LHFPL3: variants seen among roughly 807,000 people sequenced by gnomAD.
LHFPL3 encodes LHFPL tetraspan subfamily member 3 protein.
A neutral mutation model predicts 19.3 loss-of-function variants in LHFPL3; 5 were observed. The observed-to-expected ratio is 0.26, with a 90% CI of 0.14 to 0.54. LHFPL3 has a LOEUF of 0.54. LHFPL3 is among the 20% of genes least tolerant of loss of function. The probability of loss-of-function intolerance (pLI) is 0.94; values close to 1 mark genes in which losing one functional copy is unlikely to be tolerated. For missense variants in LHFPL3, 249 were observed against 307.4 expected (o/e 0.81, Z 1.42); for synonymous variants, 133 against 126.2 (o/e 1.05, Z -0.36).
chr7:104,708,145 G>A (rs1204573266), intron 1 of LHFPL3, among the ~76,000 whole-genome samples: 1 of 152,196 alleles, frequency 6.6e-6, no homozygotes, highest in Non-Finnish European at 1.5e-5. Flanking sequence ...AAAGGCCCAA[G>A]AGAGCAAGGT....
intron 1 of LHFPL3, among the ~76,000 whole-genome samples, chr7:104,404,678 A>T (rs1467785684): frequency 6.6e-6 from 1 of 152,194 alleles, no homozygotes; most frequent in Non-Finnish European, 1.5e-5. Flanking sequence ...TGTATTAGGA[A>T]GGAGCCCTTT....
chr7:104,504,963 C>T (rs1793668372), intron 1 of LHFPL3, among the ~76,000 whole-genome samples: 2 of 152,136 alleles, frequency 1.3e-5, no homozygotes, highest in Non-Finnish European at 2.9e-5. Flanking sequence ...ATGGCAAACT[C>T]ACACTGCTTG....
At chr7:104,653,619 G>A (rs572618613) in intron 1 of LHFPL3, among the ~76,000 whole-genome samples, 22 of 152,326 alleles carry the variant, frequency 1.4e-4, no homozygotes, top group African/African-American at 5.3e-4. Context: ...CAGGCTACAG[G>A]TGGATTGAGC....
intron 1 of LHFPL3, among the ~76,000 whole-genome samples, chr7:104,607,234 G>GA (rs1232581533): frequency 2.0e-5 from 3 of 152,190 alleles, no homozygotes; most frequent in Non-Finnish European, 2.9e-5. Flanking sequence ...ATTAGCTTCG[G>GA]CCTATGCCCA....
intron 2 of LHFPL3, among the ~76,000 whole-genome samples, chr7:104,790,274 C>G (rs10227192): frequency 0.62 from 93,918 of 152,006 alleles, 29,849 homozygotes; most frequent in East Asian, 0.93. Context: ...ATTCCAAAAT[C>G]TCCTTATACC....
chr7:104,493,542 A>C (rs372769212), intron 1 of LHFPL3, among the ~76,000 whole-genome samples: 1 of 151,952 alleles, frequency 6.6e-6, no homozygotes, highest in African/African-American at 2.4e-5. Context: ...CCACTAACTC[A>C]TTCCCCACTT....
chr7:104,635,869 T>C (rs1406213244), intron 1 of LHFPL3, among the ~76,000 whole-genome samples: 1 of 152,172 alleles, frequency 6.6e-6, no homozygotes, highest in Admixed American at 6.5e-5. Context: ...GAGGAATGTA[T>C]CCAGGAGGGA....
chr7:104,601,734 C>G (rs912250493), intron 1 of LHFPL3, among the ~76,000 whole-genome samples: 5 of 152,154 alleles, frequency 3.3e-5, no homozygotes, highest in African/African-American at 9.7e-5. Flanking sequence ...GACTTCAGCT[C>G]CAGTTAGAGT....
chr7:104,332,902 T>G (rs1030098877), intron 1 of LHFPL3, among the ~76,000 whole-genome samples: 1 of 147,890 alleles, frequency 6.8e-6, no homozygotes, highest in Non-Finnish European at 1.5e-5. Context: ...TAATAAGAGA[T>G]ATAAAACTTT....
chr7:104,590,078 AT>A (rs1056746658), intron 1 of LHFPL3, among the ~76,000 whole-genome samples: 3 of 151,902 alleles, frequency 2.0e-5, no homozygotes, highest in African/African-American at 2.4e-5. Flanking sequence ...GGATTCATTG[AT>A]TTTTTTGAAG....
In LHFPL3 at chr7:104,752,885, A is replaced by C. The variant is rs180916161; in HGVS notation, c.682+15974A>C. On this transcript the variant is annotated intron_variant, in intron 2 of 2. Coordinates refer to ENST00000424859, the MANE Select transcript of LHFPL3 (RefSeq NM_199000.3). ...AGAGTTCCCACATACTCCCTTCTCC[A>C]CCAGCTCACAGCCTCTCTACCATCA... 2.7e-3 allele frequency: 943 copies of C among 347,550 alleles called. 5 individuals are homozygous for C. The highest frequency in any genetic ancestry group is 0.018 in the African/African-American group (863 of 47,038). The allele number at this position is 347,550 out of a possible 1,614,324, so 21.5% of individuals were successfully genotyped here.
intron 1 of LHFPL3, among the ~76,000 whole-genome samples, chr7:104,530,066 A>G (rs189483600): frequency 1.2e-4 from 18 of 152,312 alleles, no homozygotes; most frequent in Middle Eastern, 3.4e-3. Flanking sequence ...TGTCCTTGGT[A>G]CAACTTCTGT....
intron 2 of LHFPL3, among the ~76,000 whole-genome samples, chr7:104,841,416 G>C (rs558476905): frequency 2.6e-5 from 3 of 115,396 alleles, no homozygotes; most frequent in Non-Finnish European, 3.6e-5. Flanking sequence ...TTGCATCCTC[G>C]TTTGTGTCTG....
chr7:104,373,391 T>C (rs924687641), intron 1 of LHFPL3, among the ~76,000 whole-genome samples: 5 of 152,224 alleles, frequency 3.3e-5, no homozygotes, highest in Admixed American at 3.3e-4. Flanking sequence ...GTTCAAAGTA[T>C]TACGTATGTT....
chr7:104,448,206 A>C (rs1028576018), intron 1 of LHFPL3, among the ~76,000 whole-genome samples: 5 of 152,126 alleles, frequency 3.3e-5, no homozygotes, highest in African/African-American at 1.2e-4. Context: ...TTTTGTCTTC[A>C]CCTAAGGAGT....
chr7:104,561,720 T>A (rs1790007760), intron 1 of LHFPL3, among the ~76,000 whole-genome samples: 1 of 152,244 alleles, frequency 6.6e-6, no homozygotes, highest in African/African-American at 2.4e-5. Context: ...TTTGATCCTG[T>A]CATTATGATG....
At chr7:104,544,470 G>A (rs181045314) in intron 1 of LHFPL3, among the ~76,000 whole-genome samples, 6 of 152,250 alleles carry the variant, frequency 3.9e-5, no homozygotes, top group Admixed American at 1.3e-4. Context: ...AGTTTCATGA[G>A]ACATCTGTTG....
chr7:104,841,806 T>C (rs1773531160), intron 2 of LHFPL3, among the ~76,000 whole-genome samples: 1 of 152,142 alleles, frequency 6.6e-6, no homozygotes, highest in African/African-American at 2.4e-5. Context: ...GTAGGGCATG[T>C]TATACTCCCT....
intron 1 of LHFPL3, among the ~76,000 whole-genome samples, chr7:104,441,244 A>G (rs186319336): frequency 6.6e-5 from 10 of 152,240 alleles, no homozygotes; most frequent in East Asian, 1.9e-4. Flanking sequence ...CTCTGCTTCT[A>G]TGAGTGTGAC....
Sources: allele counts gnomAD v4.1 joint callset (sites outside exome capture counted in the v4.1 genomes callset), GRCh38; gene constraint gnomAD v4.1.1; transcripts MANE v1.5; gene names NCBI Gene and HGNC (gene_info 2026-07-23, HGNC 2026-07-21).